The following HIVEP3 variants were observed in gnomAD, a reference collection of about 807,000 sequenced individuals.
HIVEP3 encodes transcription factor HIVEP3.
In HIVEP3, 49 loss-of-function variants were observed where a neutral mutation model predicts 152.8. That is an observed-to-expected ratio of 0.32 (90% CI 0.26 to 0.41). HIVEP3 has a LOEUF of 0.41. Ranked by LOEUF, HIVEP3 falls within the 10% of genes least tolerant of loss-of-function variation. The probability of loss-of-function intolerance (pLI) is 1.00; values close to 1 mark genes in which losing one functional copy is unlikely to be tolerated. For missense variants in HIVEP3, 2,790 were observed against 3,103.3 expected (o/e 0.90, Z 2.40); for synonymous variants, 1,269 against 1,289.0 (o/e 0.98, Z 0.33).
intron 4 of HIVEP3, among the ~76,000 whole-genome samples, chr1:41,576,228 T>C: frequency 6.6e-6 from 1 of 152,232 alleles, no homozygotes; most frequent in East Asian, 1.9e-4. Flanking sequence ...TTGGCCCTCC[T>C]GAGCTAGTAC....
At chr1:41,981,384 A>G (rs1432249584) in intron 1 of HIVEP3, among the ~76,000 whole-genome samples, 2 of 152,140 alleles carry the variant, frequency 1.3e-5, no homozygotes, top group African/African-American at 4.8e-5. Context: ...TGCAAACCCC[A>G]TTTATAGGGT....
Position 41,582,190 on chromosome 1 carries a change from C to G in HIVEP3, c.2608G>C (p.Glu870Gln), listed in dbSNP as rs1458595572. The G allele has an allele frequency of 1.9e-6, 3 of 1,614,068 alleles. No homozygotes were observed. Among genetic ancestry groups the G allele is most frequent in the Non-Finnish European group, 2.5e-6 (3 of 1,179,996 alleles). Residue 870 changes from glutamate (E) to glutamine (Q), a missense_variant, in exon 4 of 9, where the codon GAG becomes CAG. Physicochemically the swap from Glu to Gln is conservative, Grantham distance 29 (BLOSUM62 2). This residue lies in a region of HIVEP3 where 1,078 missense variants were observed against 1,165.3 expected (regional missense o/e 0.93). Coordinates refer to ENST00000372583, the MANE Select transcript of HIVEP3 (RefSeq NM_024503.5). The surrounding 1 kb of genome is among the most constrained non-coding windows in gnomAD (Gnocchi z 4.7). ...GGTTCCTTAGGGGGCGGCTCTGGCT[C>G]TGTGTCCGGCCGGTCAGGCTCCTCA... ...VTEEPDRPDT[E>Q]PEPPPKEPEK... is the part of the protein sequence containing the mutation.
chr1:41,806,128 T>C (rs1490151580), intron 1 of HIVEP3, among the ~76,000 whole-genome samples: 2 of 152,092 alleles, frequency 1.3e-5, no homozygotes, highest in East Asian at 3.9e-4. Context: ...CTGCCTTCCT[T>C]CCTGAATGTT....
intron 1 of HIVEP3, among the ~76,000 whole-genome samples, chr1:41,822,216 T>C (rs1156881883): frequency 1.3e-5 from 2 of 152,212 alleles, no homozygotes; most frequent in Non-Finnish European, 2.9e-5. Flanking sequence ...TCTCTCCCTA[T>C]GTTGCCTCTC....
chr1:41,519,601 GCT>G (rs1233492672), intron 6 of HIVEP3, among the ~76,000 whole-genome samples: 1 of 152,214 alleles, frequency 6.6e-6, no homozygotes, highest in African/African-American at 2.4e-5. Flanking sequence ...TGAGTCAGGT[GCT>G]CTGTCCCATT....
chr1:41,819,896 G>A (rs1383875217), intron 1 of HIVEP3, among the ~76,000 whole-genome samples: 1 of 152,182 alleles, frequency 6.6e-6, no homozygotes, highest in Non-Finnish European at 1.5e-5. Flanking sequence ...GTTAGCAAAT[G>A]TGCTATAGTC....
At chr1:41,763,801 G>T (rs975215248) in intron 1 of HIVEP3, among the ~76,000 whole-genome samples, 1 of 152,226 alleles carries the variant, frequency 6.6e-6, no homozygotes, top group African/African-American at 2.4e-5. Context: ...TTGGTGTTTG[G>T]TGACAAATGT....
chr1:41,939,809 G>A (rs1325844816), intron 1 of HIVEP3, among the ~76,000 whole-genome samples: 1 of 152,074 alleles, frequency 6.6e-6, no homozygotes, highest in East Asian at 1.9e-4. Flanking sequence ...CCAAGACTCA[G>A]TACTTGCCTG....
At chr1:41,537,950 T>G (rs1643438558) in intron 5 of HIVEP3, among the ~76,000 whole-genome samples, 2 of 152,210 alleles carry the variant, frequency 1.3e-5, no homozygotes, top group Admixed American at 6.5e-5. Context: ...TAAGGTCTGG[T>G]CTGAGCCTGG....
chr1:41,623,988 C>T (rs1372526221), intron 3 of HIVEP3, among the ~76,000 whole-genome samples: 2 of 152,028 alleles, frequency 1.3e-5, no homozygotes, highest in Non-Finnish European at 2.9e-5. Context: ...TCTTCAAAGG[C>T]GCGGGCCAGA....
At chr1:41,552,433 G>T (rs1236271215) in intron 5 of HIVEP3, among the ~76,000 whole-genome samples, 2 of 144,890 alleles carry the variant, frequency 1.4e-5, no homozygotes, top group South Asian at 2.2e-4. Flanking sequence ...TATTCTCATT[G>T]TTCAATTCCC....
At chr1:41,748,076 T>C (rs1217292318) in intron 1 of HIVEP3, among the ~76,000 whole-genome samples, 1 of 152,224 alleles carries the variant, frequency 6.6e-6, no homozygotes, top group Admixed American at 6.5e-5. Context: ...AAACATTATA[T>C]GTCTTTCAGT....
intron 1 of HIVEP3, among the ~76,000 whole-genome samples, chr1:41,935,037 T>C (rs1414446340): frequency 6.6e-6 from 1 of 152,170 alleles, no homozygotes; most frequent in East Asian, 1.9e-4. Flanking sequence ...ATTATACTTA[T>C]GTTTTATTAT....
At position 41,582,812 on chromosome 1, in the gene HIVEP3, T is replaced by A; in HGVS notation, c.1986A>T (p.Lys662Asn). ...YKKRDNYEAHKKYYCSELQIA... is the reference protein window; with the variant it reads ...YKKRDNYEAHNKYYCSELQIA... ...TCTGAAGCTCTGAGCAGTAGTATTTTTTGTGGGCTTCGTAGTTATCCCTTT... is the reference window on the plus strand; with the variant it reads ...TCTGAAGCTCTGAGCAGTAGTATTTATTGTGGGCTTCGTAGTTATCCCTTT... Residue 662 changes from lysine (K) to asparagine (N), a missense_variant, in exon 4 of 9, where the codon AAA (lysine) becomes AAT (asparagine). This residue lies in a region of HIVEP3 where 339 missense variants were observed against 327.0 expected (regional missense o/e 1.04). Transcript: ENST00000372583. The surrounding 1 kb of genome is among the most constrained non-coding windows in gnomAD (Gnocchi z 4.7). 1.2e-6 allele frequency: 2 copies of A among 1,614,204 alleles called. No homozygotes were observed. Among genetic ancestry groups the A allele is most frequent in the Non-Finnish European group, 1.7e-6 (2 of 1,180,022 alleles).
chr1:41,888,068 C>T (rs1254774749), intron 1 of HIVEP3, among the ~76,000 whole-genome samples: 2 of 140,896 alleles, frequency 1.4e-5, no homozygotes, highest in Non-Finnish European at 3.0e-5. Context: ...GAGACTGAGT[C>T]TCTGTCGCCC....
intron 1 of HIVEP3, among the ~76,000 whole-genome samples, chr1:41,725,465 C>G (rs2124176528): frequency 6.6e-6 from 1 of 152,338 alleles, no homozygotes; most frequent in African/African-American, 2.4e-5. Flanking sequence ...CCTAATGCAA[C>G]AGCAATGGAA....
Position 41,842,119 on chromosome 1 carries a change from T to C in HIVEP3, c.-801+76294A>G, listed in dbSNP as rs555688545. On this transcript the variant is annotated intron_variant, in intron 1 of 8. Coordinates refer to ENST00000372583, the MANE Select transcript of HIVEP3 (RefSeq NM_024503.5). Reference sequence around the variant, plus strand: ...AAAAAAAATTCACTGTTAATGATTATGATGAATAATGCACCTAGTATATAG... The same window carrying C: ...AAAAAAAATTCACTGTTAATGATTACGATGAATAATGCACCTAGTATATAG... Among the ~76,000 whole-genome samples the C allele has an allele frequency of 4.7e-4, 71 of 152,154 alleles. 1 individual carries two copies. The South Asian group carries it at 0.015, about 31-fold the overall frequency.
chr1:41,905,063 T>A (rs532054662), intron 1 of HIVEP3, among the ~76,000 whole-genome samples: 1 of 152,320 alleles, frequency 6.6e-6, no homozygotes, highest in Admixed American at 6.5e-5. Context: ...CATGAAGATT[T>A]TTGTGAACTA....
chr1:41,616,501 T>G (rs1644969886), intron 3 of HIVEP3, among the ~76,000 whole-genome samples: 1 of 151,688 alleles, frequency 6.6e-6, no homozygotes, highest in South Asian at 2.1e-4. Flanking sequence ...AAGCTCCCAT[T>G]TGAGACTCCA....
Sources: allele counts gnomAD v4.1 joint callset (sites outside exome capture counted in the v4.1 genomes callset), GRCh38; gene constraint gnomAD v4.1.1; regional missense constraint gnomAD v4.1.1; non-coding constraint Gnocchi (gnomAD v3.1); transcripts MANE v1.5; gene names NCBI Gene and HGNC (gene_info 2026-07-23, HGNC 2026-07-21).